Variants in CCDC171 observed in about 807,000 individuals in gnomAD.
The protein encoded by CCDC171 is coiled-coil domain containing 171.
CCDC171 carries 177 observed loss-of-function variants against 168.2 expected under a neutral mutation model. The observed-to-expected ratio is 1.05, with a 90% confidence interval of 0.93 to 1.19. The LOEUF (loss-of-function observed/expected upper bound fraction) is 1.19, where lower values mean the gene tolerates loss of function less well. Among genes scored for constraint, CCDC171 ranks in the 50% most tolerant of loss-of-function variants. The probability of loss-of-function intolerance (pLI) is 0.00; values close to 1 mark genes in which losing one functional copy is unlikely to be tolerated. For missense variants in CCDC171, 1,991 were observed against 1,539.0 expected (o/e 1.29, Z -4.91); for synonymous variants, 687 against 540.8 (o/e 1.27, Z -3.75).
intron 25 of CCDC171, among the ~76,000 whole-genome samples, chr9:15,948,838 T>G (rs1828746678): frequency 6.6e-6 from 1 of 151,410 alleles, no homozygotes; most frequent in South Asian, 2.1e-4. Flanking sequence ...TAGATCCCAT[T>G]TGTCAATTTT....
intron 3 of CCDC171, among the ~76,000 whole-genome samples, chr9:16,010,062 T>C (rs1832823569): frequency 6.6e-6 from 1 of 152,168 alleles, no homozygotes; most frequent in East Asian, 1.9e-4. Flanking sequence ...ACATCCCAAG[T>C]GCCTCAACAG....
At chr9:15,795,303 T>C (rs2058495565) in intron 21 of CCDC171, among the ~76,000 whole-genome samples, 1 of 152,182 alleles carries the variant, frequency 6.6e-6, no homozygotes, top group Non-Finnish European at 1.5e-5. Context: ...ACTTTATTAA[T>C]TCATTTATGA....
At chr9:16,040,637 G>A (rs189010539), upstream of CCDC171, among the ~76,000 whole-genome samples, 1 of 152,322 alleles carries the variant, frequency 6.6e-6, no homozygotes, top group East Asian at 1.9e-4. Flanking sequence ...CGAGCAGAGG[G>A]TTAAATCATA....
chr9:15,767,822 T>TCCC, intron 18 of CCDC171, among the ~76,000 whole-genome samples: 1 of 758 alleles, frequency 1.3e-3, no homozygotes, highest in Non-Finnish European at 3.0e-3. Flanking sequence ...TCTTTTCTTT[T>TCCC]CTTTCCCTCC....
intron 25 of CCDC171, among the ~76,000 whole-genome samples, chr9:15,939,954 T>A (rs1163575936): frequency 6.6e-6 from 1 of 151,884 alleles, no homozygotes; most frequent in Non-Finnish European, 1.5e-5. Flanking sequence ...TTTGTAAAAT[T>A]ATTTTATTTG....
In CCDC171 at chr9:15,971,893, A is replaced by T. The variant is rs1486816289; in HGVS notation, c.*57A>T. 1 of 1,440,294 alleles carries T rather than the reference A, an allele frequency of 6.9e-7. No homozygotes were observed. Among genetic ancestry groups the T allele is most frequent in the Non-Finnish European group, 9.7e-7 (1 of 1,032,530 alleles). The allele number at this position is 1,440,294 out of a possible 1,614,324, so 89.2% of individuals were successfully genotyped here. A position where few individuals can be genotyped will look rare whatever the true frequency, so the allele number is the denominator to read the frequency against. ...AACAGTACAATTAAAATTGTTTTGA[A>T]TGGGAATTTTCTTATCAGTTGACTT... On this transcript the variant is annotated 3_prime_UTR_variant, in exon 26 of 26. Transcript: ENST00000380701.
chr9:15,895,628 G>A (rs948386662), intron 24 of CCDC171, among the ~76,000 whole-genome samples: 15 of 152,184 alleles, frequency 9.9e-5, no homozygotes, highest in Admixed American at 3.9e-4. Context: ...AGAGAGAGAA[G>A]GTGCTGAAGA....
the CCDC171 span, among the ~76,000 whole-genome samples, chr9:16,099,652 G>A: frequency 6.6e-6 from 1 of 152,210 alleles, no homozygotes; most frequent in Non-Finnish European, 1.5e-5. Flanking sequence ...AAACTCCCAT[G>A]AGTCCATCCC....
chr9:15,559,785 G>T lies in CCDC171; in HGVS notation c.-111-4193G>T, dbSNP rs1586952008. 2.0e-5 allele frequency among the ~76,000 whole-genome samples: 3 copies of T among 152,168 alleles called. No individual in the cohort carries two copies. The East Asian group carries it at 5.8e-4, about 29-fold the overall frequency. On this transcript the variant is annotated intron_variant, in intron 1 of 25. Transcript: ENST00000380701. Reference sequence around the variant, plus strand: ...TGATCCTGTCATTATGATGTTAGCTGGTTATTTTGCTCATTAGTTGATGCA... The same window carrying T: ...TGATCCTGTCATTATGATGTTAGCTTGTTATTTTGCTCATTAGTTGATGCA...
chr9:15,702,633 G>T (rs1477828418), intron 11 of CCDC171, among the ~76,000 whole-genome samples: 1 of 152,076 alleles, frequency 6.6e-6, no homozygotes, highest in East Asian at 1.9e-4. Flanking sequence ...AAAAGTCCTA[G>T]GTGACATTTT....
At chr9:15,646,362 G>C (rs1428653555) in intron 7 of CCDC171, among the ~76,000 whole-genome samples, 2 of 152,144 alleles carry the variant, frequency 1.3e-5, no homozygotes, top group Non-Finnish European at 2.9e-5. Context: ...AAAATAACCA[G>C]CTAACATCAT....
intron 3 of CCDC171, among the ~76,000 whole-genome samples, chr9:15,993,771 G>T (rs926350699): frequency 1.3e-5 from 2 of 152,172 alleles, no homozygotes; most frequent in African/African-American, 4.8e-5. Flanking sequence ...CCATCAAAAA[G>T]TGGCAAAGGA....
At chr9:15,706,774 G>A (rs908541700) in intron 11 of CCDC171, among the ~76,000 whole-genome samples, 2 of 152,096 alleles carry the variant, frequency 1.3e-5, no homozygotes, top group African/African-American at 4.8e-5. Flanking sequence ...ACTTTCTTCA[G>A]CTTTCCTTGA....
chr9:16,022,034 A>G (rs1833179771), intron 4 of CCDC171, among the ~76,000 whole-genome samples: 1 of 152,206 alleles, frequency 6.6e-6, no homozygotes, highest in Non-Finnish European at 1.5e-5. Context: ...TACCATATCT[A>G]GGACCCAGGG....
At chr9:15,593,974 A>C in intron 5 of CCDC171, 67 bp from the exon 6 acceptor site, 1 of 1,097,156 alleles carries the variant, frequency 9.1e-7, no homozygotes. Flanking sequence ...TTGTACATTT[A>C]AACTGGGGAT....
At chr9:15,656,448 G>C (rs2047944070) in intron 7 of CCDC171, among the ~76,000 whole-genome samples, 1 of 152,160 alleles carries the variant, frequency 6.6e-6, no homozygotes, top group Non-Finnish European at 1.5e-5. Context: ...GCTCATAGCA[G>C]CTTTATTTGT....
the CCDC171 span, among the ~76,000 whole-genome samples, chr9:16,083,832 C>T: frequency 1.3e-5 from 2 of 152,186 alleles, no homozygotes; most frequent in Non-Finnish European, 1.5e-5. Context: ...TCCTGGAATT[C>T]CCTCTTGTGA....
intron 3 of CCDC171, among the ~76,000 whole-genome samples, chr9:15,986,557 T>C (rs1384409474): frequency 6.6e-6 from 1 of 152,170 alleles, no homozygotes; most frequent in Admixed American, 6.5e-5. Context: ...CCAAGAACTG[T>C]AATGGGAAAG....
chr9:16,075,022 T>C, the CCDC171 span, among the ~76,000 whole-genome samples: 2 of 152,350 alleles, frequency 1.3e-5, no homozygotes, highest in African/African-American at 4.8e-5. Context: ...TGAGTCTGTA[T>C]TGTGAGGTGC....
Sources: gnomAD v4.1 joint callset for allele counts (sites outside exome capture counted in the v4.1 genomes callset) on GRCh38, gnomAD v4.1.1 for gene constraint, MANE v1.5 for transcripts, NCBI Gene and HGNC (gene_info 2026-07-23, HGNC 2026-07-21) for gene names.